ENPP1: variants seen among roughly 807,000 people sequenced by gnomAD.
ENPP1 encodes ectonucleotide pyrophosphatase/phosphodiesterase family member 1.
Under a neutral mutation model 122.8 loss-of-function variants are expected in ENPP1, and 73 were observed. The ratio of observed to expected loss-of-function variants is 0.59; its 90% CI spans 0.49 to 0.72. ENPP1 has a LOEUF of 0.72. Among genes scored for constraint, ENPP1 ranks in the 30% least tolerant of loss-of-function variants. The pLI is 0.00. For missense variants in ENPP1, 978 were observed against 1,128.1 expected (o/e 0.87, Z 1.91); for synonymous variants, 367 against 391.6 (o/e 0.94, Z 0.74).
At chr6:131,811,365 T>C (rs946021834) in intron 1 of ENPP1, among the ~76,000 whole-genome samples, 25 of 142,966 alleles carry the variant, frequency 1.7e-4, no homozygotes, top group Non-Finnish European at 2.8e-4. Context: ...CATATATCTA[T>C]ATCTATATCT....
intron 1 of ENPP1, 126 bp downstream of exon 1, chr6:131,808,401 C>T: frequency 8.2e-7 from 1 of 1,215,694 alleles, no homozygotes; most frequent in Non-Finnish European, 1.1e-6. Context: ...GGGAGTGCTT[C>T]TTCGCCCGCG....
intron 11 of ENPP1, among the ~76,000 whole-genome samples, chr6:131,866,866 G>A (rs1029182496): frequency 6.6e-6 from 1 of 152,176 alleles, no homozygotes; most frequent in African/African-American, 2.4e-5. Flanking sequence ...ATGCTAGTGT[G>A]ATTTTTACTC....
intron 11 of ENPP1, among the ~76,000 whole-genome samples, chr6:131,867,116 T>C (rs1399254345): frequency 1.3e-5 from 2 of 152,240 alleles, no homozygotes; most frequent in Middle Eastern, 3.2e-3. Flanking sequence ...ACTCCAACAT[T>C]ACTGGCACAC....
chr6:131,873,095 G>A (rs368155438), intron 15 of ENPP1, 45 bp downstream of exon 15: 17 of 1,606,904 alleles, frequency 1.1e-5, no homozygotes, highest in Non-Finnish European at 1.4e-5. Flanking sequence ...TGATCGGTTA[G>A]TGATTCAGGG....
chr6:131,886,449 A>G, intron 23 of ENPP1, 113 bp from the exon 24 acceptor site: 1 of 794,814 alleles, frequency 1.3e-6, no homozygotes, highest in Non-Finnish European at 2.1e-6. Flanking sequence ...CTTATATTTA[A>G]TTATTTGTTT....
chr6:131,864,950 T>G lies in ENPP1; in HGVS notation c.1164+12T>G. ...CAGTCAGCAGTGAAGTAAGTACATT[T>G]TTATCAGTAATTATTTCATTAAACC... On this transcript the variant is annotated intron_variant, in intron 11 of 24. Coordinates refer to ENST00000647893, the MANE Select transcript of ENPP1 (RefSeq NM_006208.3). 6 of 1,521,628 alleles carry G rather than the reference T, an allele frequency of 3.9e-6. No homozygotes were observed. The highest frequency in any genetic ancestry group is 5.5e-6 in the Non-Finnish European group (6 of 1,095,794). 94.3% of individuals were successfully genotyped at this position (1,521,628 alleles called of 1,614,324 possible). A position where few individuals can be genotyped will look rare whatever the true frequency, so the allele number is the denominator to read the frequency against.
intron 1 of ENPP1, among the ~76,000 whole-genome samples, chr6:131,817,945 C>T (rs1781436549): frequency 6.6e-6 from 1 of 152,044 alleles, no homozygotes; most frequent in Non-Finnish European, 1.5e-5. Flanking sequence ...ACAGACTTAG[C>T]TGGCAAACAT....
intron 6 of ENPP1, among the ~76,000 whole-genome samples, chr6:131,856,968 T>C (rs941030219): frequency 6.6e-6 from 1 of 152,100 alleles, no homozygotes; most frequent in Non-Finnish European, 1.5e-5. Context: ...GACTTGGCGA[T>C]GCGGGCTCTT....
intron 6 of ENPP1, among the ~76,000 whole-genome samples, chr6:131,857,185 C>T (rs2114698576): frequency 6.6e-6 from 1 of 150,816 alleles, no homozygotes; most frequent in South Asian, 2.1e-4. Flanking sequence ...AATAGGAACA[C>T]TTTTACACTG....
At position 131,872,920 on chromosome 6, in the gene ENPP1, C is replaced by T. The variant is rs752211779; in HGVS notation, c.1438-3C>T. 1.4e-5 allele frequency: 23 copies of T among 1,613,396 alleles called. No individual in the cohort carries two copies. In the Admixed American group the frequency reaches 3.8e-4, roughly 27 times the overall value. On this transcript the variant is annotated splice_polypyrimidine_tract_variant and splice_region_variant and intron_variant, in intron 14 of 24. Transcript: ENST00000647893. ...AGTTTTTCTTTGCTGTTTGCAATTT[C>T]AGTGCCGGGAACCAAACCAGCACTT...
At chr6:131,854,748 T>C (rs781729387) in intron 5 of ENPP1, among the ~76,000 whole-genome samples, 178 bp from the exon 6 acceptor site, 3 of 152,174 alleles carry the variant, frequency 2.0e-5, no homozygotes, top group Non-Finnish European at 4.4e-5. Context: ...TAAATATAAA[T>C]GCATGTAAAA....
intron 3 of ENPP1, among the ~76,000 whole-genome samples, 192 bp downstream of exon 3, chr6:131,850,298 CT>C (rs1781865194): frequency 6.6e-6 from 1 of 152,108 alleles, no homozygotes; most frequent in Non-Finnish European, 1.5e-5. Context: ...TACAGAATTT[CT>C]CTGTTAAACA....
At chr6:131,841,496 A>G (rs1343133219) in intron 1 of ENPP1, among the ~76,000 whole-genome samples, 4 of 152,220 alleles carry the variant, frequency 2.6e-5, no homozygotes, top group Non-Finnish European at 5.9e-5. Flanking sequence ...TATTTGTTGT[A>G]GGTATCTTTT....
intron 8 of ENPP1, among the ~76,000 whole-genome samples, chr6:131,861,387 G>A (rs939730488): frequency 5.3e-5 from 8 of 152,250 alleles, no homozygotes; most frequent in Middle Eastern, 3.4e-3. Context: ...AGCTCCAAAA[G>A]CTACAGGAGT....
intron 1 of ENPP1, among the ~76,000 whole-genome samples, chr6:131,830,776 T>C (rs565389842): frequency 9.9e-5 from 15 of 151,892 alleles, no homozygotes; most frequent in Non-Finnish European, 1.9e-4. Flanking sequence ...CAGTTATATA[T>C]GTATATGGGT....
intron 6 of ENPP1, among the ~76,000 whole-genome samples, chr6:131,855,395 G>T (rs1781932722): frequency 6.6e-6 from 1 of 152,028 alleles, no homozygotes; most frequent in Admixed American, 6.6e-5. Flanking sequence ...GTGTGATCTT[G>T]GCTCACTGCA....
At chr6:131,826,694 A>T (rs1292258598) in intron 1 of ENPP1, 5 of 631,184 alleles carry the variant, frequency 7.9e-6, no homozygotes, top group Non-Finnish European at 1.3e-5. Flanking sequence ...TTATCAAGGG[A>T]CAATTCTTCA....
chr6:131,820,208 G>A (rs1781466785), intron 1 of ENPP1: 1 of 217,808 alleles, frequency 4.6e-6, no homozygotes, highest in African/African-American at 2.3e-5. Flanking sequence ...GGCATCTTAG[G>A]GTTGTTAGTA....
At chr6:131,809,583 A>AT (rs964889521) in intron 1 of ENPP1, among the ~76,000 whole-genome samples, 2 of 152,194 alleles carry the variant, frequency 1.3e-5, no homozygotes, top group Non-Finnish European at 1.5e-5. Context: ...CCTTTTAAAA[A>AT]TTTTGTTAAT....
Sources: allele counts gnomAD v4.1 joint callset (sites outside exome capture counted in the v4.1 genomes callset), GRCh38; gene constraint gnomAD v4.1.1; transcripts MANE v1.5; gene names NCBI Gene and HGNC (gene_info 2026-07-23, HGNC 2026-07-21).